The following TSSC4 variants were observed in gnomAD, a reference collection of about 807,000 sequenced individuals.
The protein encoded by TSSC4 is U5 small nuclear ribonucleoprotein TSSC4.
For missense variants in TSSC4, 500 were observed against 443.9 expected (o/e 1.13, Z -1.14); for synonymous variants, 259 against 197.9 (o/e 1.31, Z -2.59).
rs1028983858 is a variant in TSSC4, at chr11:2,402,753, G to A, written c.120G>A (p.Leu40=). Residue 40 remains leucine, a synonymous_variant, in exon 3 of 3, where the codon TTG becomes TTA. Transcript: ENST00000333256. ...GTGACTCGGACTCTGACCTCAGCTT[G>A]CCCGGTGGTGCTGAAGTGGAAGCAC... ...SLSDSDSDLS[L]PGGAEVEALS... The A allele has an allele frequency of 6.4e-7, 1 of 1,570,494 alleles. No homozygotes were observed. Among genetic ancestry groups the A allele is most frequent in the Non-Finnish European group, 8.6e-7 (1 of 1,157,188 alleles).
At position 2,403,679 on chromosome 11, in the gene TSSC4, G is replaced by T; in HGVS notation, c.*56G>T. The T allele has an allele frequency of 2.1e-6, 3 of 1,448,448 alleles. No homozygotes were observed. Among genetic ancestry groups the T allele is most frequent in the Non-Finnish European group, 2.7e-6 (3 of 1,098,738 alleles). 89.7% of individuals were successfully genotyped at this position (1,448,448 alleles called of 1,614,324 possible). ...CCACTGCCATCCTGCTGCCTTCCCA[G>T]TGGGGCTGGTCAGGGGGCAGCCTGG... On this transcript the variant is annotated 3_prime_UTR_variant, in exon 3 of 3. Transcript: ENST00000333256.
At chr11:2,401,987 C>G (rs1009965358) in intron 1 of TSSC4, 4 of 152,260 alleles carry the variant, frequency 2.6e-5, no homozygotes, top group Non-Finnish European at 4.4e-5. Flanking sequence ...AAGGTGCACG[C>G]TCTTTGTGGA....
chr11:2,402,823 G>A lies in TSSC4; in HGVS notation c.190G>A (p.Glu64Lys), dbSNP rs142462464. Residue 64 changes from glutamate to lysine, a missense_variant, in exon 3 of 3, where the codon GAG (glutamate) becomes AAG (lysine). Physicochemically the swap from Glu to Lys is moderately conservative, Grantham distance 56. Transcript: ENST00000333256. Reference sequence around the variant, plus strand: ...TGGGGAGGAGGATTCAGGTCCTGATGAGCCGCCCTCACCCCCGTCAGGCCT... The same window carrying A: ...TGGGGAGGAGGATTCAGGTCCTGATAAGCCGCCCTCACCCCCGTCAGGCCT... ...LPGEEDSGPD[E>K]PPSPPSGLLP... 6.0e-5 allele frequency: 96 copies of A among 1,594,760 alleles called. No individual in the cohort carries two copies. In the African/African-American group the frequency reaches 9.5e-4, roughly 16 times the overall value.
At position 2,403,306 on chromosome 11, in the gene TSSC4, A is replaced by G. The variant is rs368848004; in HGVS notation, c.673A>G (p.Arg225Gly). The change falls in exon 3 of 3, where the codon AGA (arginine) becomes GGA (glycine). Residue 225 changes from arginine (R) to glycine (G), a missense_variant. Coordinates refer to ENST00000333256, the MANE Select transcript of TSSC4 (RefSeq NM_005706.4). ...CAAACCAGTCCGAGGGGTCGAAGCC[A>G]GACACGAGAGGAAGAGGGTCCTGGG... ...FTKPVRGVEA[R>G]HERKRVLGKV... 4.3e-6 allele frequency: 7 copies of G among 1,612,354 alleles called. No homozygotes were observed. In the African/African-American group the frequency reaches 9.3e-5, roughly 22 times the overall value.
chr11:2,403,339 G>A lies in TSSC4; in HGVS notation c.706G>A (p.Gly236Arg). The change falls in exon 3 of 3, where the codon GGA becomes AGA. Residue 236 changes from glycine to arginine, a missense_variant. Transcript: ENST00000333256. ...HERKRVLGKV[G>R]EPGRGGLGNP... Reference sequence around the variant, plus strand: ...GAGGAAGAGGGTCCTGGGGAAGGTGGGAGAGCCAGGCAGGGGCGGCCTTGG... The same window carrying A: ...GAGGAAGAGGGTCCTGGGGAAGGTGAGAGAGCCAGGCAGGGGCGGCCTTGG... 6.2e-7 allele frequency: 1 copy of A among 1,612,292 alleles called. No individual in the cohort carries two copies. The highest frequency in any genetic ancestry group is 1.3e-5 in the African/African-American group (1 of 75,042).
rs759822562 is a variant in TSSC4, at chr11:2,402,918, C to T, written c.285C>T (p.Asp95=). The stretch of plus-strand genomic sequence containing the variant: ...CCACCTTCTCCCAGCGCAGCCGTGA[C>T]ATCTTTGACTGCCTGGAGGGGGCGG... ...MSSTFSQRSR[D]IFDCLEGAAR... is the part of the protein sequence containing the mutation. Residue 95 remains aspartate, a synonymous_variant, in exon 3 of 3, where the codon GAC becomes GAT. Coordinates refer to ENST00000333256, the MANE Select transcript of TSSC4 (RefSeq NM_005706.4). 2.5e-6 allele frequency: 4 copies of T among 1,612,266 alleles called. No individual in the cohort carries two copies. Among genetic ancestry groups the T allele is most frequent in the Admixed American group, 1.7e-5 (1 of 59,990 alleles).
chr11:2,403,584 C>T lies in TSSC4; in HGVS notation c.951C>T (p.Asn317=), dbSNP rs1259073291. The change falls in exon 3 of 3, where the codon AAC becomes AAT. Residue 317 remains asparagine (N), a synonymous_variant. Transcript: ENST00000333256. ...AGCGGAGTCGAGACCACTTCCGGAA[C>T]AAGAGCAGCAGCCCCGAGGACCCAG... ...SRKRSRDHFR[N]KSSSPEDPGA... is the part of the protein sequence containing the mutation. The T allele has an allele frequency of 6.5e-7, 1 of 1,549,082 alleles. No individual in the cohort carries two copies. The highest frequency in any genetic ancestry group is 2.3e-5 in the East Asian group (1 of 44,128).
In TSSC4 at chr11:2,402,568, T is replaced by C. The variant is rs536210652; in HGVS notation, c.-23-43T>C. On this transcript the variant is annotated intron_variant, in intron 2 of 2. Transcript: ENST00000333256. The stretch of plus-strand genomic sequence containing the variant: ...TGCAGGGGGAACTCATTCTCAATAC[T>C]GTTCCTCCTGAGAAACAAATTTTCT... 1,179 of 1,472,254 alleles carry C rather than the reference T, an allele frequency of 8.0e-4. 20 individuals carry two copies. In the South Asian group the frequency reaches 0.012, roughly 15 times the overall value. The allele number at this position is 1,472,254 out of a possible 1,614,324, so 91.2% of individuals were successfully genotyped here.
Position 2,403,645 on chromosome 11 carries a change from C to T in TSSC4, c.*22C>T. 2.0e-6 allele frequency: 3 copies of T among 1,481,188 alleles called. No homozygotes were observed. Among genetic ancestry groups the T allele is most frequent in the Non-Finnish European group, 1.8e-6 (2 of 1,115,868 alleles). The allele number at this position is 1,481,188 out of a possible 1,614,324, so 91.8% of individuals were successfully genotyped here. ...CTGAGAGGGAGATGGCCCAGCCTGA[C>T]CCCACTGGCCACTGCCATCCTGCTG... is the stretch of plus-strand genomic sequence containing the variant. On this transcript the variant is annotated 3_prime_UTR_variant, in exon 3 of 3. Coordinates refer to ENST00000333256, the MANE Select transcript of TSSC4 (RefSeq NM_005706.4).
Position 2,403,710 on chromosome 11 carries a change from G to A in TSSC4, c.*87G>A, listed in dbSNP as rs1259796460. 3.0e-6 allele frequency: 4 copies of A among 1,347,696 alleles called. No individual in the cohort carries two copies. Among genetic ancestry groups the A allele is most frequent in the South Asian group, 1.7e-5 (1 of 57,860 alleles). The allele number at this position is 1,347,696 out of a possible 1,614,324, so 83.5% of individuals were successfully genotyped here. On this transcript the variant is annotated 3_prime_UTR_variant, in exon 3 of 3. Coordinates refer to ENST00000333256, the MANE Select transcript of TSSC4 (RefSeq NM_005706.4). ...CTGGTCAGGGGGCAGCCTGGCCACTGCCTAGCTGGAATGGGAGGAAGCCTG... is the reference window on the plus strand; with the variant it reads ...CTGGTCAGGGGGCAGCCTGGCCACTACCTAGCTGGAATGGGAGGAAGCCTG...
Position 2,403,602 on chromosome 11 carries a change from G to A in TSSC4, c.969G>A (p.Glu323=). ...TCCGGAACAAGAGCAGCAGCCCCGA[G>A]GACCCAGGTGCTGAGGTCTGAGAGG... The part of the protein sequence containing the change: ...DHFRNKSSSP[E]DPGAEV The change falls in exon 3 of 3, where the codon GAG becomes GAA. Residue 323 remains glutamate, a synonymous_variant. Transcript: ENST00000333256. 1 of 1,531,940 alleles carries A rather than the reference G, an allele frequency of 6.5e-7. No individual in the cohort carries two copies. The highest frequency in any genetic ancestry group is 1.3e-5 in the South Asian group (1 of 77,228). 94.9% of individuals were successfully genotyped at this position (1,531,940 alleles called of 1,614,324 possible).
rs1850237203 is a variant in TSSC4, at chr11:2,403,457, A to C, written c.824A>C (p.His275Pro). The C allele has an allele frequency of 4.4e-6, 7 of 1,596,388 alleles. No individual in the cohort carries two copies. The highest frequency in any genetic ancestry group is 6.0e-6 in the Non-Finnish European group (7 of 1,170,634). ...GAGGCTGAGGAGTGGGGCAGCCACCATGGAGGCCTGCAGGAGGTGGAGGCA... is the reference window on the plus strand; with the variant it reads ...GAGGCTGAGGAGTGGGGCAGCCACCCTGGAGGCCTGCAGGAGGTGGAGGCA... ...SPEAEEWGSH[H>P]GGLQEVEALS... The change falls in exon 3 of 3, where the codon CAT (histidine) becomes CCT (proline). Residue 275 changes from histidine to proline, a missense_variant. Coordinates refer to ENST00000333256, the MANE Select transcript of TSSC4 (RefSeq NM_005706.4).
Position 2,402,941 on chromosome 11 carries a change from C to T in TSSC4, c.308C>T (p.Ala103Val), listed in dbSNP as rs775741466. Residue 103 changes from alanine to valine, a missense_variant, in exon 3 of 3, where the codon GCG (alanine) becomes GTG (valine). Ala to Val is a moderately conservative substitution (Grantham distance 64). Coordinates refer to ENST00000333256, the MANE Select transcript of TSSC4 (RefSeq NM_005706.4). ...SRDIFDCLEG[A>V]ARRAPSSVAH... is the part of the protein sequence containing the mutation. ...GACATCTTTGACTGCCTGGAGGGGG[C>T]GGCCAGACGGGCTCCATCCTCTGTG... 1.1e-5 allele frequency: 17 copies of T among 1,610,920 alleles called. No homozygotes were observed. In the East Asian group the frequency reaches 1.8e-4, roughly 17 times the overall value.
At chr11:2,402,534 C>A in intron 2 of TSSC4, 77 bp from the exon 3 acceptor site, 2 of 1,276,962 alleles carry the variant, frequency 1.6e-6, no homozygotes, top group Non-Finnish European at 2.1e-6. Context: ...TGTCCAGGGG[C>A]AGTGGATCTG....
At position 2,403,641 on chromosome 11, in the gene TSSC4, C is replaced by T; in HGVS notation, c.*18C>T. The T allele has an allele frequency of 6.7e-7, 1 of 1,492,044 alleles. No homozygotes were observed. Among genetic ancestry groups the T allele is most frequent in the Non-Finnish European group, 8.9e-7 (1 of 1,121,386 alleles). 92.4% of individuals were successfully genotyped at this position (1,492,044 alleles called of 1,614,324 possible). On this transcript the variant is annotated 3_prime_UTR_variant, in exon 3 of 3. Transcript: ENST00000333256. Reference sequence around the variant, plus strand: ...AGGTCTGAGAGGGAGATGGCCCAGCCTGACCCCACTGGCCACTGCCATCCT... The same window carrying T: ...AGGTCTGAGAGGGAGATGGCCCAGCTTGACCCCACTGGCCACTGCCATCCT...
At chr11:2,400,973 G>C (rs1411757047) in intron 1 of TSSC4, 175 bp downstream of exon 1, 1 of 152,238 alleles carries the variant, frequency 6.6e-6, no homozygotes, top group Non-Finnish European at 1.5e-5. Flanking sequence ...GGCCTGTCCA[G>C]CCCGACTGGA....
intron 1 of TSSC4, chr11:2,401,017 C>G (rs183521838): frequency 3.3e-5 from 5 of 152,318 alleles, no homozygotes; most frequent in African/African-American, 1.2e-4. Flanking sequence ...CAGCTTGGCA[C>G]CGAGAGTTCG....
At chr11:2,401,664 C>CT (rs530730369) in intron 1 of TSSC4, among the ~76,000 whole-genome samples, 10 of 152,152 alleles carry the variant, frequency 6.6e-5, no homozygotes, top group Admixed American at 5.9e-4. Context: ...GCTGGGCCGT[C>CT]TTTTTTTGCC....
chr11:2,402,974 C>G lies in TSSC4; in HGVS notation c.341C>G (p.Thr114Ser). 1.2e-6 allele frequency: 2 copies of G among 1,609,994 alleles called. No homozygotes were observed. Among genetic ancestry groups the G allele is most frequent in the Non-Finnish European group, 1.7e-6 (2 of 1,178,662 alleles). The change falls in exon 3 of 3, where the codon ACC becomes AGC. Residue 114 changes from threonine (T) to serine (S), a missense_variant. Thr to Ser is a moderately conservative substitution (Grantham distance 58, BLOSUM62 1). Transcript: ENST00000333256. ...ARRAPSSVAH[T>S]SMSDNGGFKR... The stretch of plus-strand genomic sequence containing the variant: ...CGGGCTCCATCCTCTGTGGCCCACA[C>G]CAGCATGAGTGACAACGGAGGCTTC...
Sources: gnomAD v4.1 joint callset for allele counts (sites outside exome capture counted in the v4.1 genomes callset) on GRCh38, gnomAD v4.1.1 for gene constraint, MANE v1.5 for transcripts, NCBI Gene and HGNC (gene_info 2026-07-23, HGNC 2026-07-21) for gene names.